Variants in SGCZ observed in about 807,000 individuals in gnomAD.
The protein encoded by SGCZ is zeta-sarcoglycan.
In SGCZ, 40 loss-of-function variants were observed where a neutral mutation model predicts 41.3. The ratio of observed to expected loss-of-function variants is 0.97; its 90% confidence interval spans 0.75 to 1.26. The LOEUF (loss-of-function observed/expected upper bound fraction) is 1.26. SGCZ is among the 50% of genes most tolerant of loss of function. The pLI is 0.00. For synonymous variants in SGCZ, 206 were observed against 137.5 expected (o/e 1.50, Z -3.49); for missense variants, 552 against 369.8 (o/e 1.49, Z -4.04).
chr8:14,190,234 G>A (rs1250989237), intron 4 of SGCZ, among the ~76,000 whole-genome samples: 3 of 151,502 alleles, frequency 2.0e-5, no homozygotes, highest in Non-Finnish European at 2.9e-5. Flanking sequence ...GGATGGTCTC[G>A]AACTCCTGAC....
intron 1 of SGCZ, among the ~76,000 whole-genome samples, chr8:14,908,576 C>T (rs536347170): frequency 1.3e-5 from 2 of 151,982 alleles, no homozygotes; most frequent in South Asian, 4.2e-4. Context: ...ATGGTGAAAC[C>T]CCATTTCTAC....
intron 4 of SGCZ, among the ~76,000 whole-genome samples, chr8:14,202,319 A>G (rs1805480431): frequency 6.6e-6 from 1 of 152,164 alleles, no homozygotes; most frequent in African/African-American, 2.4e-5. Context: ...TTAGAGTGGA[A>G]CACAGTCCTG....
At chr8:14,232,047 C>G (rs1806590804) in intron 4 of SGCZ, among the ~76,000 whole-genome samples, 1 of 151,748 alleles carries the variant, frequency 6.6e-6, no homozygotes, top group Non-Finnish European at 1.5e-5. Flanking sequence ...TAGACATTGA[C>G]TCAAAAAATA....
chr8:14,671,717 AAAT>A (rs1808108659), intron 1 of SGCZ, among the ~76,000 whole-genome samples: 1 of 152,162 alleles, frequency 6.6e-6, no homozygotes, highest in Non-Finnish European at 1.5e-5. Context: ...TACTTATAAT[AAAT>A]ATTTGGATAT....
chr8:14,945,015 A>G (rs1800395496), intron 1 of SGCZ, among the ~76,000 whole-genome samples: 1 of 152,056 alleles, frequency 6.6e-6, no homozygotes, highest in South Asian at 2.1e-4. Context: ...TCTTTGAACC[A>G]CAGAAGCCTC....
chr8:14,391,027 A>C (rs1804751667), intron 2 of SGCZ, among the ~76,000 whole-genome samples: 1 of 152,106 alleles, frequency 6.6e-6, no homozygotes, highest in African/African-American at 2.4e-5. Flanking sequence ...CAGATTCAGA[A>C]AACTAAATAA....
intron 1 of SGCZ, among the ~76,000 whole-genome samples, chr8:15,030,603 T>C (rs1271902350): frequency 6.6e-6 from 1 of 152,142 alleles, no homozygotes; most frequent in African/African-American, 2.4e-5. Flanking sequence ...GTAAAGACAT[T>C]CGTTAAGTGG....
At chr8:14,202,692 T>A (rs1232378293) in intron 4 of SGCZ, among the ~76,000 whole-genome samples, 5 of 152,192 alleles carry the variant, frequency 3.3e-5, no homozygotes, top group Admixed American at 3.3e-4. Context: ...TGGTAATTTT[T>A]AACATTAATA....
intron 1 of SGCZ, among the ~76,000 whole-genome samples, chr8:14,958,148 T>G (rs114295452): frequency 6.6e-6 from 1 of 152,148 alleles, no homozygotes; most frequent in East Asian, 1.9e-4. Flanking sequence ...TATTTGAAAT[T>G]TTTTCTTTTT....
intron 1 of SGCZ, among the ~76,000 whole-genome samples, chr8:14,764,711 T>G (rs1230377628): frequency 6.6e-6 from 1 of 152,178 alleles, no homozygotes; most frequent in Non-Finnish European, 1.5e-5. Flanking sequence ...GTACCTTGAT[T>G]AGATCCTGGA....
At chr8:14,989,785 T>C (rs1201189948) in intron 1 of SGCZ, among the ~76,000 whole-genome samples, 1 of 152,196 alleles carries the variant, frequency 6.6e-6, no homozygotes, top group East Asian at 1.9e-4. Flanking sequence ...GAGTTTCATC[T>C]TTTTCATATC....
intron 1 of SGCZ, among the ~76,000 whole-genome samples, chr8:14,665,865 A>C (rs191773816): frequency 7.2e-5 from 11 of 152,330 alleles, no homozygotes; most frequent in African/African-American, 2.6e-4. Flanking sequence ...AATGACTATT[A>C]AGTGTCGATC....
intron 3 of SGCZ, among the ~76,000 whole-genome samples, chr8:14,318,860 A>T (rs543541549): frequency 6.6e-6 from 1 of 151,990 alleles, no homozygotes; most frequent in Admixed American, 6.6e-5. Flanking sequence ...TAATAAAACC[A>T]AACTCATAGA....
chr8:14,699,520 G>C (rs575928638), intron 1 of SGCZ, among the ~76,000 whole-genome samples: 1 of 151,730 alleles, frequency 6.6e-6, no homozygotes, highest in African/African-American at 2.4e-5. Context: ...AACTATAGAA[G>C]AAATTCTAGA....
At chr8:14,381,272 C>T (rs552730714) in intron 2 of SGCZ, among the ~76,000 whole-genome samples, 12 of 152,314 alleles carry the variant, frequency 7.9e-5, no homozygotes, top group African/African-American at 2.9e-4. Flanking sequence ...TCCTTAGCAA[C>T]AGCTAGGAAG....
chr8:14,791,124 G>C (rs748368630), intron 1 of SGCZ, among the ~76,000 whole-genome samples: 1 of 151,454 alleles, frequency 6.6e-6, no homozygotes, highest in Non-Finnish European at 1.5e-5. Flanking sequence ...GAGTGATAGA[G>C]GTTTTTTATT....
intron 1 of SGCZ, among the ~76,000 whole-genome samples, chr8:14,794,868 T>C (rs1322118344): frequency 6.6e-6 from 1 of 152,204 alleles, no homozygotes; most frequent in Non-Finnish European, 1.5e-5. Flanking sequence ...ATCTCTACTA[T>C]TGAGTCAAGA....
At chr8:14,235,709 G>T (rs544986377) in intron 4 of SGCZ, among the ~76,000 whole-genome samples, 20 of 152,190 alleles carry the variant, frequency 1.3e-4, no homozygotes, top group African/African-American at 4.8e-4. Flanking sequence ...TTTTGAGACA[G>T]AGTCTCACTC....
intron 1 of SGCZ, among the ~76,000 whole-genome samples, chr8:14,846,084 A>G (rs966964327): frequency 6.6e-6 from 1 of 152,184 alleles, no homozygotes; most frequent in African/African-American, 2.4e-5. Flanking sequence ...AATTATAGCA[A>G]AAGATTTCAA....
Sources: allele counts gnomAD v4.1 joint callset (sites outside exome capture counted in the v4.1 genomes callset), GRCh38; gene constraint gnomAD v4.1.1; transcripts MANE v1.5; gene names NCBI Gene and HGNC (gene_info 2026-07-23, HGNC 2026-07-21).